NPR3: variants seen among roughly 807,000 people sequenced by gnomAD.
The protein encoded by NPR3 is natriuretic peptide receptor 3.
Under a neutral mutation model 54.5 loss-of-function variants are expected in NPR3, and 34 were observed. The observed-to-expected ratio is 0.62, with a 90% confidence interval of 0.47 to 0.83. The LOEUF (loss-of-function observed/expected upper bound fraction) is 0.83, where lower values mean the gene tolerates loss of function less well. NPR3 is among the 40% of genes least tolerant of loss of function. The pLI is 0.00. For synonymous variants in NPR3, 289 were observed against 297.1 expected, an observed-to-expected ratio of 0.97 and a Z score of 0.28; for missense variants, 674 against 720.8, an observed-to-expected ratio of 0.94 and a Z score of 0.74.
At chr5:32,707,808 A>G (rs1404662878), upstream of NPR3, among the ~76,000 whole-genome samples, 1 of 152,184 alleles carries the variant, frequency 6.6e-6, no homozygotes, top group Non-Finnish European at 1.5e-5. Context: ...CTTACTTCTG[A>G]TAGAATTTCT....
chr5:32,723,558 T>C (rs1280953639), intron 1 of NPR3, among the ~76,000 whole-genome samples: 1 of 151,838 alleles, frequency 6.6e-6, no homozygotes, highest in Non-Finnish European at 1.5e-5. Context: ...GTGAATGTTC[T>C]CTCTAAAATC....
In NPR3 at chr5:32,789,686, C is replaced by T. The variant is rs895475629; in HGVS notation, c.*3341C>T. 9.4e-6 allele frequency: 5 copies of T among 534,608 alleles called. No individual in the cohort carries two copies. The African/African-American group carries it at 9.6e-5, about 10-fold the overall frequency. 33.1% of individuals were successfully genotyped at this position (534,608 alleles called of 1,614,324 possible). On this transcript the variant is annotated 3_prime_UTR_variant, in exon 8 of 8. Transcript: ENST00000265074. ...TGTGCCTTCTTTGCCCCAAATGCAT[C>T]ACTTTCCTTTTAGTTATGGCTGATT...
intron 2 of NPR3, among the ~76,000 whole-genome samples, chr5:32,729,920 A>G (rs112756657): frequency 3.3e-5 from 5 of 152,202 alleles, no homozygotes; most frequent in South Asian, 4.1e-4. Flanking sequence ...GCACAATATT[A>G]CTAACTAAAC....
At chr5:32,721,994 C>G (rs1738889950) in intron 1 of NPR3, among the ~76,000 whole-genome samples, 1 of 152,186 alleles carries the variant, frequency 6.6e-6, no homozygotes, top group Non-Finnish European at 1.5e-5. Flanking sequence ...GTGACCTTAT[C>G]TAATCATAAG....
In NPR3 at chr5:32,788,350, GGCAA is replaced by G. The variant is rs1742740232; in HGVS notation, c.*2010_*2013del. 6.6e-6 allele frequency: 1 copy of G among 152,176 alleles called. No individual in the cohort carries two copies. The highest frequency in any genetic ancestry group is 2.4e-5 in the African/African-American group (1 of 41,434). The allele number at this position is 152,176 out of a possible 1,614,324, so 9.4% of individuals were successfully genotyped here. A position where few individuals can be genotyped will look rare whatever the true frequency, so the allele number is the denominator to read the frequency against. On this transcript the variant is annotated 3_prime_UTR_variant, in exon 8 of 8. Coordinates refer to ENST00000265074, the MANE Select transcript of NPR3 (RefSeq NM_001204375.2). The stretch of plus-strand genomic sequence containing the variant: ...AAGAGAGTTTGAGAAGTAAAATCCA[GGCAA>G]GCAAAGCGTTGTACCACTTGGGACT...
intron 2 of NPR3, among the ~76,000 whole-genome samples, chr5:32,726,406 G>T (rs986607562): frequency 2.0e-5 from 3 of 152,254 alleles, no homozygotes; most frequent in Middle Eastern, 6.8e-3. Flanking sequence ...ACCCTAGTTT[G>T]CCCTCCTTCC....
chr5:32,711,191 A>ACCC, upstream of NPR3: 1 of 136,558 alleles, frequency 7.3e-6, no homozygotes. Flanking sequence ...CCCCCAGCCC[A>ACCC]GCCCCCACAT....
intron 2 of NPR3, among the ~76,000 whole-genome samples, chr5:32,728,292 G>T (rs557769459): frequency 1.3e-4 from 20 of 151,966 alleles, no homozygotes; most frequent in African/African-American, 4.8e-4. Context: ...GTGAAACCCC[G>T]TCTCTACTAA....
At chr5:32,759,674 T>C (rs191254816) in intron 3 of NPR3, among the ~76,000 whole-genome samples, 35 of 151,806 alleles carry the variant, frequency 2.3e-4, no homozygotes, top group African/African-American at 8.5e-4. Flanking sequence ...TTTTGCTCGT[T>C]AGTTGATGGC....
chr5:32,751,541 T>C (rs1740575074), intron 3 of NPR3, among the ~76,000 whole-genome samples: 1 of 152,214 alleles, frequency 6.6e-6, no homozygotes, highest in Non-Finnish European at 1.5e-5. Context: ...GGTGATTTTA[T>C]AACCTTGGAT....
At chr5:32,720,649 CTT>C (rs1199262048) in intron 1 of NPR3, among the ~76,000 whole-genome samples, 3 of 152,154 alleles carry the variant, frequency 2.0e-5, no homozygotes, top group Non-Finnish European at 2.9e-5. Flanking sequence ...ATCATTCCCT[CTT>C]TTAGAATTTT....
chr5:32,771,429 A>G (rs754193879), intron 3 of NPR3, among the ~76,000 whole-genome samples: 1 of 152,222 alleles, frequency 6.6e-6, no homozygotes, highest in Non-Finnish European at 1.5e-5. Context: ...TCCTTCTACC[A>G]TTAAACCTGC....
intron 3 of NPR3, among the ~76,000 whole-genome samples, chr5:32,763,677 CT>C (rs1741294382): frequency 6.6e-6 from 1 of 152,094 alleles, no homozygotes. Flanking sequence ...AAACTCATGT[CT>C]GCTAATTCCA....
intron 3 of NPR3, among the ~76,000 whole-genome samples, chr5:32,745,285 G>A (rs999239076): frequency 1.3e-5 from 2 of 152,240 alleles, no homozygotes; most frequent in African/African-American, 4.8e-5. Flanking sequence ...AAGCCCTACT[G>A]CAGAGGCTCT....
intron 3 of NPR3, among the ~76,000 whole-genome samples, chr5:32,748,864 C>G (rs753941987): frequency 7.2e-5 from 11 of 152,130 alleles, no homozygotes; most frequent in Non-Finnish European, 1.5e-4. Flanking sequence ...TGGGATGTGG[C>G]TCTTCTCAGT....
chr5:32,756,069 G>A (rs1740824703), intron 3 of NPR3, among the ~76,000 whole-genome samples: 1 of 152,222 alleles, frequency 6.6e-6, no homozygotes, highest in African/African-American at 2.4e-5. Flanking sequence ...ACATATGTGT[G>A]CATGTGCCTT....
chr5:32,724,709 T>C lies in NPR3; in HGVS notation c.781T>C (p.Cys261Arg). The change falls in exon 2 of 8, where the codon TGT becomes CGT. Residue 261 changes from cysteine to arginine, a missense_variant. Coordinates refer to ENST00000265074, the MANE Select transcript of NPR3 (RefSeq NM_001204375.2). ...TGTTCCTCCCCTAGTGGTGATCATG[T>C]GTGCGAGCAGTGACACCATCCGGAG... is the stretch of plus-strand genomic sequence containing the variant. ...IQASERVVIM[C>R]ASSDTIRSIM... 1.2e-6 allele frequency: 2 copies of C among 1,613,938 alleles called. No homozygotes were observed. Among genetic ancestry groups the C allele is most frequent in the Non-Finnish European group, 1.7e-6 (2 of 1,179,868 alleles).
intron 6 of NPR3, 86 bp downstream of exon 6, chr5:32,783,114 C>A: frequency 1.5e-6 from 2 of 1,307,548 alleles, no homozygotes; most frequent in South Asian, 1.5e-5. Flanking sequence ...GTTTCTAGGG[C>A]CTTACATTTT....
intron 2 of NPR3, among the ~76,000 whole-genome samples, chr5:32,733,186 G>GA (rs1040402930): frequency 2.1e-4 from 32 of 149,390 alleles, no homozygotes; most frequent in African/African-American, 6.1e-4. Flanking sequence ...ATGTTGGATT[G>GA]AAAAAAAAAC....
Sources: allele counts gnomAD v4.1 joint callset (sites outside exome capture counted in the v4.1 genomes callset), GRCh38; gene constraint gnomAD v4.1.1; transcripts MANE v1.5; gene names NCBI Gene and HGNC (gene_info 2026-07-23, HGNC 2026-07-21).